ERC2: variants seen among roughly 807,000 people sequenced by gnomAD.
ERC2 encodes ELKS/RAB6-interacting/CAST family member 2.
In ERC2, 42 loss-of-function variants were observed where a neutral mutation model predicts 114.8. The ratio of observed to expected loss-of-function variants is 0.37; its 90% CI spans 0.29 to 0.47. The LOEUF is 0.47. Ranked by LOEUF, ERC2 falls within the 20% of genes least tolerant of loss-of-function variation. The pLI, the probability that ERC2 is intolerant of heterozygous loss-of-function variation, is 0.99. For synonymous variants in ERC2, 454 were observed against 425.5 expected (o/e 1.07, Z -0.82); for missense variants, 939 against 1,150.7 (o/e 0.82, Z 2.66).
chr3:56,428,660 C>CAAATTTG (rs2061672845), intron 2 of ERC2, among the ~76,000 whole-genome samples: 2 of 152,132 alleles, frequency 1.3e-5, no homozygotes, highest in Admixed American at 6.5e-5. Flanking sequence ...TCGATCTTTT[C>CAAATTTG]AAATTTCATG....
At chr3:56,062,474 G>A (rs2076283813) in intron 7 of ERC2, among the ~76,000 whole-genome samples, 1 of 152,122 alleles carries the variant, frequency 6.6e-6, no homozygotes, top group South Asian at 2.1e-4. Context: ...ACCATTCACT[G>A]CTTACTATGA....
At chr3:55,666,719 T>G (rs1170396999) in intron 17 of ERC2, among the ~76,000 whole-genome samples, 1 of 152,038 alleles carries the variant, frequency 6.6e-6, no homozygotes, top group Non-Finnish European at 1.5e-5. Context: ...ACAGACAGGA[T>G]GCAAGACAAA....
chr3:55,687,812 G>T (rs865273), intron 16 of ERC2, among the ~76,000 whole-genome samples: 2 of 152,226 alleles, frequency 1.3e-5, no homozygotes, highest in African/African-American at 4.8e-5. Context: ...CAAAGCAGAT[G>T]CTGTTAGCAT....
intron 16 of ERC2, among the ~76,000 whole-genome samples, chr3:55,688,448 A>T (rs2062451023): frequency 2.0e-5 from 3 of 152,130 alleles, no homozygotes. Flanking sequence ...TAACCACAAA[A>T]GTACACCCTT....
chr3:55,756,192 C>G (rs761653354), intron 14 of ERC2, among the ~76,000 whole-genome samples: 2 of 152,106 alleles, frequency 1.3e-5, no homozygotes, highest in Non-Finnish European at 2.9e-5. Context: ...AACACAGTCA[C>G]GAAGCTAAAA....
intron 14 of ERC2, among the ~76,000 whole-genome samples, chr3:55,807,708 A>G (rs1447784956): frequency 1.3e-5 from 2 of 152,206 alleles, no homozygotes; most frequent in Non-Finnish European, 2.9e-5. Flanking sequence ...ATGATGGATA[A>G]CGTGGTCTAG....
chr3:55,639,428 T>G (rs1174404676), intron 17 of ERC2, among the ~76,000 whole-genome samples: 1 of 151,978 alleles, frequency 6.6e-6, no homozygotes, highest in Non-Finnish European at 1.5e-5. Flanking sequence ...GACCAGGACA[T>G]GAGCCACAGA....
At chr3:55,524,253 G>A (rs527982993) in intron 17 of ERC2, among the ~76,000 whole-genome samples, 1 of 152,310 alleles carries the variant, frequency 6.6e-6, no homozygotes, top group Admixed American at 6.5e-5. Flanking sequence ...CCACAGTGGG[G>A]TGTTCATGCC....
At chr3:56,184,908 C>T (rs1345677251) in intron 3 of ERC2, among the ~76,000 whole-genome samples, 1 of 152,116 alleles carries the variant, frequency 6.6e-6, no homozygotes, top group Non-Finnish European at 1.5e-5. Context: ...GATTAATCTT[C>T]AACCAGCTTT....
chr3:56,038,279 A>C (rs1185604081), intron 7 of ERC2, among the ~76,000 whole-genome samples: 1 of 152,258 alleles, frequency 6.6e-6, no homozygotes, highest in Non-Finnish European at 1.5e-5. Flanking sequence ...AGAAGACATG[A>C]ACAGACACTT....
At chr3:56,358,398 G>A (rs1399996270) in intron 2 of ERC2, among the ~76,000 whole-genome samples, 1 of 152,178 alleles carries the variant, frequency 6.6e-6, no homozygotes, top group Non-Finnish European at 1.5e-5. Context: ...CTAGCATGAA[G>A]TAGAAGAGGC....
At chr3:55,706,797 C>G (rs2148844089) in intron 15 of ERC2, among the ~76,000 whole-genome samples, 1 of 152,250 alleles carries the variant, frequency 6.6e-6, no homozygotes, top group South Asian at 2.1e-4. Flanking sequence ...TTGCACAGGA[C>G]TAACACACCT....
At chr3:55,674,992 C>T (rs2061721427) in intron 17 of ERC2, among the ~76,000 whole-genome samples, 1 of 152,162 alleles carries the variant, frequency 6.6e-6, no homozygotes, top group Non-Finnish European at 1.5e-5. Flanking sequence ...GATTTTGTCA[C>T]CATGGGAACA....
At chr3:56,220,911 A>C (rs1329464858) in intron 3 of ERC2, among the ~76,000 whole-genome samples, 2 of 152,238 alleles carry the variant, frequency 1.3e-5, no homozygotes, top group African/African-American at 4.8e-5. Flanking sequence ...ACTGAAAAAA[A>C]GAAAAAAAAG....
chr3:56,249,701 C>A (rs941006372), intron 3 of ERC2, among the ~76,000 whole-genome samples: 28 of 152,122 alleles, frequency 1.8e-4, no homozygotes, highest in African/African-American at 6.5e-4. Flanking sequence ...CTACACACTA[C>A]AGGTTGCTGT....
intron 14 of ERC2, among the ~76,000 whole-genome samples, chr3:55,748,883 C>A (rs190254574): frequency 6.6e-6 from 1 of 152,298 alleles, no homozygotes; most frequent in East Asian, 1.9e-4. Context: ...AATTGAATAT[C>A]AGAAATTTTG....
chr3:56,145,031 T>G (rs144225567), intron 5 of ERC2, among the ~76,000 whole-genome samples: 1 of 152,188 alleles, frequency 6.6e-6, no homozygotes, highest in South Asian at 2.1e-4. Flanking sequence ...ATGAAGTCCA[T>G]GTGGACATCA....
At chr3:55,644,536 G>A (rs1025920066) in intron 17 of ERC2, among the ~76,000 whole-genome samples, 5 of 151,996 alleles carry the variant, frequency 3.3e-5, no homozygotes, top group Non-Finnish European at 7.4e-5. Context: ...GTAAAATTAG[G>A]ACAATATTAC....
intron 17 of ERC2, among the ~76,000 whole-genome samples, chr3:55,660,579 G>A (rs2061085039): frequency 6.6e-6 from 1 of 151,772 alleles, no homozygotes. Context: ...TTAAAACAAG[G>A]TTAAAGGGCT....
Sources: gnomAD v4.1 joint callset for allele counts (sites outside exome capture counted in the v4.1 genomes callset) on GRCh38, gnomAD v4.1.1 for gene constraint, MANE v1.5 for transcripts, NCBI Gene and HGNC (gene_info 2026-07-23, HGNC 2026-07-21) for gene names.